Variants in RNF180 observed in about 807,000 individuals in gnomAD.
RNF180 encodes E3 ubiquitin-protein ligase RNF180.
A neutral mutation model predicts 59.2 loss-of-function variants in RNF180; 38 were observed. The ratio of observed to expected loss-of-function variants is 0.64; its 90% CI spans 0.50 to 0.84. RNF180 has a LOEUF of 0.84. Ranked by LOEUF, RNF180 falls within the 40% of genes least tolerant of loss-of-function variation. The pLI is 0.00. For missense variants in RNF180, 705 were observed against 700.9 expected, an observed-to-expected ratio of 1.01 and a Z score of -0.07; for synonymous variants, 262 against 240.3, an observed-to-expected ratio of 1.09 and a Z score of -0.84.
chr5:64,322,629 G>A (rs1744425852), intron 5 of RNF180, among the ~76,000 whole-genome samples: 1 of 147,486 alleles, frequency 6.8e-6, no homozygotes, highest in Admixed American at 6.7e-5. Context: ...GTGTGTGTGT[G>A]TGTGTGTGTA....
chr5:64,349,392 G>C (rs1400177499), intron 7 of RNF180, among the ~76,000 whole-genome samples: 1 of 147,858 alleles, frequency 6.8e-6, no homozygotes, highest in Non-Finnish European at 1.5e-5. Context: ...AATAAGTTAT[G>C]ACAGGCTAGT....
chr5:64,338,065 C>T (rs1745204526), intron 7 of RNF180, among the ~76,000 whole-genome samples: 2 of 151,966 alleles, frequency 1.3e-5, no homozygotes, highest in South Asian at 2.1e-4. Context: ...GTTCTAGATC[C>T]CTGAGGAATC....
At chr5:64,188,835 T>G (rs2111988651) in intron 1 of RNF180, among the ~76,000 whole-genome samples, 1 of 152,208 alleles carries the variant, frequency 6.6e-6, no homozygotes, top group East Asian at 1.9e-4. Flanking sequence ...ATAGGTACTG[T>G]TATGGACTGA....
chr5:64,352,445 C>G (rs914424502), intron 7 of RNF180, among the ~76,000 whole-genome samples: 1 of 152,016 alleles, frequency 6.6e-6, no homozygotes, highest in Non-Finnish European at 1.5e-5. Context: ...TTTCTGCTAG[C>G]TTTTGATATG....
At chr5:64,270,112 C>A (rs915067685) in intron 5 of RNF180, among the ~76,000 whole-genome samples, 7 of 151,958 alleles carry the variant, frequency 4.6e-5, no homozygotes, top group African/African-American at 1.7e-4. Flanking sequence ...ATTCTAATAT[C>A]TTTTCATAGA....
chr5:64,194,670 T>C (rs1259948382), intron 1 of RNF180, among the ~76,000 whole-genome samples: 1 of 152,188 alleles, frequency 6.6e-6, no homozygotes, highest in Non-Finnish European at 1.5e-5. Context: ...GCACCTATTG[T>C]TTCCTGACTT....
chr5:64,261,088 A>G (rs1365498766), intron 5 of RNF180, among the ~76,000 whole-genome samples: 3 of 152,182 alleles, frequency 2.0e-5, no homozygotes, highest in African/African-American at 7.2e-5. Flanking sequence ...ATTTAAGCAC[A>G]TGCAGAAATA....
chr5:64,293,199 C>A (rs1033968550), intron 5 of RNF180, among the ~76,000 whole-genome samples: 1 of 152,204 alleles, frequency 6.6e-6, no homozygotes, highest in African/African-American at 2.4e-5. Context: ...CTCACTGCTT[C>A]CCTTGGCTTG....
intron 5 of RNF180, among the ~76,000 whole-genome samples, chr5:64,318,670 A>G (rs997803254): frequency 2.0e-5 from 3 of 152,162 alleles, no homozygotes; most frequent in African/African-American, 7.2e-5. Flanking sequence ...TTCAGCTGAT[A>G]GTTAAAAGTG....
chr5:64,285,359 G>A (rs562557059), intron 5 of RNF180, among the ~76,000 whole-genome samples: 1 of 152,310 alleles, frequency 6.6e-6, no homozygotes, highest in African/African-American at 2.4e-5. Context: ...GGGGTGGGTA[G>A]CAGCACTGGG....
At chr5:64,328,545 A>G (rs1448919534) in intron 6 of RNF180, among the ~76,000 whole-genome samples, 1 of 152,252 alleles carries the variant, frequency 6.6e-6, no homozygotes, top group Non-Finnish European at 1.5e-5. Flanking sequence ...TCAACTCTCT[A>G]GCATACATGA....
At chr5:64,227,580 T>G (rs1741846361) in intron 5 of RNF180, among the ~76,000 whole-genome samples, 1 of 152,208 alleles carries the variant, frequency 6.6e-6, no homozygotes. Context: ...TATCTGATCC[T>G]TGACACAGTG....
intron 5 of RNF180, among the ~76,000 whole-genome samples, chr5:64,322,936 T>A (rs1180973511): frequency 2.0e-5 from 3 of 151,996 alleles, no homozygotes; most frequent in African/African-American, 7.3e-5. Flanking sequence ...CTAAACAACT[T>A]ATTCATGTAA....
At chr5:64,251,800 C>G (rs1743597800) in intron 5 of RNF180, among the ~76,000 whole-genome samples, 1 of 151,886 alleles carries the variant, frequency 6.6e-6, no homozygotes, top group Non-Finnish European at 1.5e-5. Flanking sequence ...TTTCTACACA[C>G]AGTGAACTAT....
chr5:64,280,064 C>A (rs1431423920), intron 5 of RNF180, among the ~76,000 whole-genome samples: 1 of 152,140 alleles, frequency 6.6e-6, no homozygotes, highest in Non-Finnish European at 1.5e-5. Flanking sequence ...TTGATTTGTA[C>A]TTAATGATTA....
intron 5 of RNF180, among the ~76,000 whole-genome samples, chr5:64,225,297 C>G (rs1403814015): frequency 2.0e-5 from 3 of 150,964 alleles, no homozygotes; most frequent in Admixed American, 1.3e-4. Context: ...GCCCGGCCGC[C>G]CCGTCTGGGA....
chr5:64,284,453 A>G (rs1742177851), intron 5 of RNF180, among the ~76,000 whole-genome samples: 1 of 152,180 alleles, frequency 6.6e-6, no homozygotes, highest in Non-Finnish European at 1.5e-5. Flanking sequence ...TTGGTTTCCA[A>G]GTTGCTTGAT....
chr5:64,231,717 GC>G (rs1366497712), intron 5 of RNF180, among the ~76,000 whole-genome samples: 1 of 152,178 alleles, frequency 6.6e-6, no homozygotes, highest in East Asian at 1.9e-4. Context: ...TGCTGTACCA[GC>G]AATCTCTGGA....
intron 5 of RNF180, among the ~76,000 whole-genome samples, chr5:64,322,602 C>CAT (rs3221373): frequency 5.6e-5 from 8 of 143,428 alleles, no homozygotes; most frequent in South Asian, 4.6e-4. Context: ...TATATATATA[C>CAT]GTGTGTGTGT....
Sources: gnomAD v4.1 joint callset for allele counts (sites outside exome capture counted in the v4.1 genomes callset) on GRCh38, gnomAD v4.1.1 for gene constraint, MANE v1.5 for transcripts, NCBI Gene and HGNC (gene_info 2026-07-23, HGNC 2026-07-21) for gene names.